Variants in PIGQ observed in about 807,000 individuals in gnomAD.
PIGQ encodes the protein phosphatidylinositol N-acetylglucosaminyltransferase subunit Q.
In PIGQ, 54 loss-of-function variants were observed where a neutral mutation model predicts 60.3. The ratio of observed to expected loss-of-function variants is 0.90; its 90% CI spans 0.72 to 1.12. The LOEUF (loss-of-function observed/expected upper bound fraction) is 1.12, where lower values mean the gene tolerates loss of function less well. PIGQ is among the 50% of genes most tolerant of loss of function. The pLI, the probability that PIGQ is intolerant of heterozygous loss-of-function variation, is 0.00. For missense variants in PIGQ, 799 were observed against 793.5 expected, an observed-to-expected ratio of 1.01 and a Z score of -0.08; for synonymous variants, 416 against 363.7, an observed-to-expected ratio of 1.14 and a Z score of -1.64.
At chr16:582,109 G>A (rs1365464262) in intron 9 of PIGQ, 139 bp from the exon 10 acceptor site, 9 of 715,606 alleles carry the variant, frequency 1.3e-5, no homozygotes, top group Non-Finnish European at 2.0e-5. Flanking sequence ...GGGCGACGGA[G>A]GGGGCGGGGA....
chr16:578,382 G>A lies in PIGQ; in HGVS notation c.946G>A (p.Val316Met), dbSNP rs1441077523. 3.2e-5 allele frequency: 51 copies of A among 1,609,438 alleles called. No individual in the cohort carries two copies. The highest frequency in any genetic ancestry group is 2.5e-4 in the Admixed American group (15 of 59,958). Reference sequence around the variant, plus strand: ...CGTGGCCCCTGTGTCCCTGCAGCACGTGGCCGAGGAGCTCCAGCATCTGCT... The same window carrying A: ...CGTGGCCCCTGTGTCCCTGCAGCACATGGCCGAGGAGCTCCAGCATCTGCT... ...ADALVPVADH[V>M]AEELQHLLQW... Residue 316 changes from valine to methionine, a missense_variant, in exon 5 of 11, where the codon GTG (valine) becomes ATG (methionine). Transcript: ENST00000321878.
Position 578,371 on chromosome 16 carries a change from C to A in PIGQ, c.943-8C>A. ...CCCCGCCCCAGCGTGGCCCCTGTGT[C>A]CCTGCAGCACGTGGCCGAGGAGCTC... is the stretch of plus-strand genomic sequence containing the variant. On this transcript the variant is annotated splice_polypyrimidine_tract_variant and splice_region_variant and intron_variant, in intron 4 of 10. Coordinates refer to ENST00000321878, the MANE Select transcript of PIGQ (RefSeq NM_004204.5). 1 of 1,606,800 alleles carries A rather than the reference C, an allele frequency of 6.2e-7. No homozygotes were observed. The highest frequency in any genetic ancestry group is 1.1e-5 in the South Asian group (1 of 90,782).
rs1292883272 is a variant in PIGQ at position 576,122 on chromosome 16, C to T, written c.822-12C>T. On this transcript the variant is annotated splice_polypyrimidine_tract_variant and intron_variant, in intron 3 of 10. Coordinates refer to ENST00000321878, the MANE Select transcript of PIGQ (RefSeq NM_004204.5). Reference sequence around the variant, plus strand: ...CCACCCTCATGCCGGCCGGGCCGGACCTCCCTTCCAGGAAGGCCAACACGG... The same window carrying T: ...CCACCCTCATGCCGGCCGGGCCGGATCTCCCTTCCAGGAAGGCCAACACGG... 3 of 1,547,114 alleles carry T rather than the reference C, an allele frequency of 1.9e-6. No homozygotes were observed. Among genetic ancestry groups the T allele is most frequent in the Non-Finnish European group, 1.7e-6 (2 of 1,146,576 alleles).
chr16:581,106 C>T (rs530111223), intron 9 of PIGQ, 134 bp downstream of exon 9: 2 of 1,384,114 alleles, frequency 1.4e-6, no homozygotes, highest in African/African-American at 2.9e-5. Context: ...CGCAAGCGGG[C>T]AGGGAGGACA....
Position 576,213 on chromosome 16 carries a change from C to T in PIGQ, c.901C>T (p.Arg301Cys), listed in dbSNP as rs754231407. The T allele has an allele frequency of 7.7e-6, 12 of 1,550,832 alleles. No individual in the cohort carries two copies. The highest frequency in any genetic ancestry group is 2.0e-5 in the Admixed American group (1 of 51,120). ...MLLSWLHGRS[R>C]IGHLADALVP... ...GCTGTCCTGGCTCCACGGGAGAAGCCGCATCGGGCATCTGGCCGACGCCCT... is the reference window on the plus strand; with the variant it reads ...GCTGTCCTGGCTCCACGGGAGAAGCTGCATCGGGCATCTGGCCGACGCCCT... The change falls in exon 4 of 11, where the codon CGC becomes TGC. Residue 301 changes from arginine (R) to cysteine (C), a missense_variant. Physicochemically the swap from Arg to Cys is radical, Grantham distance 180. Transcript: ENST00000321878.
rs367632229 is a variant in PIGQ at position 583,022 on chromosome 16, A to G, written c.1733A>G (p.Asp578Gly). 1 of 1,613,026 alleles carries G rather than the reference A, an allele frequency of 6.2e-7. No individual in the cohort carries two copies. Among genetic ancestry groups the G allele is most frequent in the East Asian group, 2.2e-5 (1 of 44,874 alleles). ...ELIYPWRQRG[D>G]KQD ...ATCTACCCCTGGAGGCAGAGAGGGG[A>G]CAAGCAGGACTGAGGGAACTGCTGG... Residue 578 changes from aspartate (D) to glycine (G), a missense_variant, in exon 11 of 11, where the codon GAC (aspartate) becomes GGC (glycine). Asp to Gly is a moderately conservative substitution (Grantham distance 94, BLOSUM62 -1). Transcript: ENST00000321878.
intron 2 of PIGQ, among the ~76,000 whole-genome samples, chr16:575,179 A>G (rs1596383143): frequency 6.6e-6 from 1 of 152,146 alleles, no homozygotes; most frequent in Non-Finnish European, 1.5e-5. Context: ...TGCAGCGCTC[A>G]TGGGCTGTGG....
intron 10 of PIGQ, 72 bp from the exon 11 acceptor site, chr16:582,811 G>T (rs1428466630): frequency 2.0e-6 from 3 of 1,473,928 alleles, no homozygotes; most frequent in African/African-American, 1.4e-5. Context: ...ACAACTGCCC[G>T]CCCCCACCCT....
intron 1 of PIGQ, among the ~76,000 whole-genome samples, chr16:572,834 G>A (rs886979148): frequency 1.1e-4 from 16 of 151,846 alleles, no homozygotes; most frequent in Middle Eastern, 3.2e-3. Context: ...CTGTTCCCTC[G>A]TCCCTAAGGG....
intron 5 of PIGQ, 79 bp downstream of exon 5, chr16:578,584 CT>C: frequency 6.6e-7 from 1 of 1,514,508 alleles, no homozygotes; most frequent in Non-Finnish European, 9.0e-7. Flanking sequence ...ACCCCGCCCC[CT>C]GTGCCCCCAA....
chr16:580,598 TC>T, intron 8 of PIGQ: 1 of 556,758 alleles, frequency 1.8e-6, no homozygotes, highest in Non-Finnish European at 3.2e-6. Context: ...CCTGCTTGAT[TC>T]CCAGGCCTCG....
At chr16:582,705 C>A in intron 10 of PIGQ, 178 bp from the exon 11 acceptor site, 1 of 724,372 alleles carries the variant, frequency 1.4e-6, no homozygotes, top group Non-Finnish European at 2.3e-6. Flanking sequence ...CCCCCCAGCG[C>A]TCCCTTCTGG....
intron 5 of PIGQ, 134 bp downstream of exon 5, chr16:578,639 A>C: frequency 7.1e-7 from 1 of 1,403,196 alleles, no homozygotes. Flanking sequence ...TGCTGTGCTC[A>C]GCTGAGGGCT....
chr16:572,866 C>T (rs2151043400), intron 1 of PIGQ, among the ~76,000 whole-genome samples: 1 of 152,382 alleles, frequency 6.6e-6, no homozygotes, highest in African/African-American at 2.4e-5. Flanking sequence ...CTGGGACCTC[C>T]AGACCCAGGC....
intron 1 of PIGQ, among the ~76,000 whole-genome samples, chr16:571,547 TGTGTGTCTGGCTAGCCTGGTGCCC>T (rs1424260916): frequency 5.0e-5 from 6 of 120,466 alleles, no homozygotes; most frequent in African/African-American, 2.0e-4. Context: ...CCTGTGTGTG[TGTGTGTCTGGCTAGCCTGGTGCCC>T]GTGTGTGTGT....
chr16:571,038 CGTGTGTGTGTGTGTGT>C (rs1176149269), intron 1 of PIGQ, among the ~76,000 whole-genome samples: 1 of 85,128 alleles, frequency 1.2e-5, no homozygotes, highest in African/African-American at 4.3e-5. Flanking sequence ...GCCTGGCGCC[CGTGTGTGTGTGTGTGT>C]GTGTGTGTGT....
In PIGQ at chr16:582,939, C is replaced by G. The variant is rs1302429328; in HGVS notation, c.1650C>G (p.Gly550=). The change falls in exon 11 of 11, where the codon GGC becomes GGG. Residue 550 remains glycine, a synonymous_variant. Coordinates refer to ENST00000321878, the MANE Select transcript of PIGQ (RefSeq NM_004204.5). ...VVHTYRLPSC[G]CHPKHSWGAL... ...ACACCTACCGCCTCCCCAGCTGTGG[C>G]TGCCACCCCAAGCACTCCTGGGGCG... 3 of 1,612,800 alleles carry G rather than the reference C, an allele frequency of 1.9e-6. No homozygotes were observed. Among genetic ancestry groups the G allele is most frequent in the Non-Finnish European group, 1.7e-6 (2 of 1,179,858 alleles).
chr16:581,348 GC>G, intron 9 of PIGQ: 2 of 1,210,910 alleles, frequency 1.7e-6, no homozygotes, highest in Middle Eastern at 5.3e-4. Flanking sequence ...TCCAGTAAGT[GC>G]CCCGTCCGCT....
Position 579,136 on chromosome 16 carries a change from G to A in PIGQ, c.1291G>A (p.Val431Ile), listed in dbSNP as rs377584268. 270 of 1,612,996 alleles carry A rather than the reference G, an allele frequency of 1.7e-4. 1 individual carries two copies. The highest frequency in any genetic ancestry group is 6.6e-4 in the Middle Eastern group (4 of 6,062). The part of the protein sequence containing the change: ...WRLFRGKKWN[V>I]LRQRVDSCSY... The stretch of plus-strand genomic sequence containing the variant: ...TCTGTTCCGGGGGAAGAAGTGGAAC[G>A]TTCTGCGCCAGCGCGTGGACTCCTG... Residue 431 changes from valine (V) to isoleucine (I), a missense_variant, in exon 7 of 11, where the codon GTT (valine) becomes ATT (isoleucine). Transcript: ENST00000321878.
Sources: allele counts gnomAD v4.1 joint callset (sites outside exome capture counted in the v4.1 genomes callset), GRCh38; gene constraint gnomAD v4.1.1; transcripts MANE v1.5; gene names NCBI Gene and HGNC (gene_info 2026-07-23, HGNC 2026-07-21).